Variants in EML6 observed in about 807,000 individuals in gnomAD.
EML6 encodes the protein EMAP like 6.
In EML6, 154 loss-of-function variants were observed where a neutral mutation model predicts 240.1. The ratio of observed to expected loss-of-function variants is 0.64; its 90% CI spans 0.56 to 0.73. EML6 has a LOEUF of 0.73. EML6 is among the 30% of genes least tolerant of loss of function. The pLI, the probability that EML6 is intolerant of heterozygous loss-of-function variation, is 0.00. For missense variants in EML6, 2,964 were observed against 2,474.6 expected (o/e 1.20, Z -4.20); for synonymous variants, 1,148 against 899.0 (o/e 1.28, Z -4.95).
chr2:54,899,294 A>G (rs1195237530), intron 21 of EML6, among the ~76,000 whole-genome samples: 1 of 152,236 alleles, frequency 6.6e-6, no homozygotes, highest in Non-Finnish European at 1.5e-5. Context: ...CATATATACT[A>G]TGTTTATTTA....
At chr2:54,860,328 G>T (rs1353309825) in intron 12 of EML6, among the ~76,000 whole-genome samples, 1 of 152,122 alleles carries the variant, frequency 6.6e-6, no homozygotes, top group African/African-American at 2.4e-5. Flanking sequence ...GCCTCGGTTT[G>T]ATACAAGTGC....
At chr2:54,922,412 G>T (rs1674305545) in intron 26 of EML6, among the ~76,000 whole-genome samples, 1 of 152,086 alleles carries the variant, frequency 6.6e-6, no homozygotes, top group African/African-American at 2.4e-5. Flanking sequence ...GGGTGTAAAG[G>T]AAGGGAACCC....
intron 14 of EML6, chr2:54,868,320 T>C (rs1671078228): frequency 6.6e-6 from 1 of 152,192 alleles, no homozygotes; most frequent in Non-Finnish European, 1.5e-5. Context: ...TTGTGACATA[T>C]AATTATTAAG....
At chr2:54,877,175 G>C (rs957935622) in intron 16 of EML6, among the ~76,000 whole-genome samples, 1 of 151,854 alleles carries the variant, frequency 6.6e-6, no homozygotes, top group Non-Finnish European at 1.5e-5. Context: ...GTAGAGAGTG[G>C]GTTTCCTCAT....
chr2:54,893,727 C>T (rs1389437634), intron 19 of EML6, among the ~76,000 whole-genome samples: 2 of 152,178 alleles, frequency 1.3e-5, no homozygotes, highest in African/African-American at 2.4e-5. Context: ...TACTCCTAAC[C>T]CATGTCTCAA....
At chr2:54,957,688 C>T in intron 32 of EML6, 102 bp from the exon 33 acceptor site, 1 of 990,786 alleles carries the variant, frequency 1.0e-6, no homozygotes, top group Admixed American at 2.0e-5. Flanking sequence ...AGAACTGAGG[C>T]ATGGCTTACG....
intron 28 of EML6, among the ~76,000 whole-genome samples, chr2:54,937,295 A>T (rs921257844): frequency 3.2e-4 from 48 of 150,018 alleles, no homozygotes; most frequent in South Asian, 6.3e-4. Flanking sequence ...AAAAAAGAAG[A>T]AGTCTTAGGC....
intron 2 of EML6, among the ~76,000 whole-genome samples, chr2:54,796,453 A>G (rs1234605190): frequency 1.3e-5 from 2 of 152,058 alleles, no homozygotes; most frequent in African/African-American, 2.4e-5. Flanking sequence ...TTTTTTTTGA[A>G]GTGTATTGAG....
chr2:54,808,408 C>T (rs1670609842), intron 2 of EML6, among the ~76,000 whole-genome samples: 1 of 152,174 alleles, frequency 6.6e-6, no homozygotes, highest in South Asian at 2.1e-4. Flanking sequence ...TCAGACAATG[C>T]AACCTAATTT....
At chr2:54,855,266 A>G (rs982432658) in intron 11 of EML6, among the ~76,000 whole-genome samples, 4 of 152,074 alleles carry the variant, frequency 2.6e-5, no homozygotes, top group East Asian at 1.9e-4. Context: ...ACTTACAATC[A>G]TGGCAGAAGG....
intron 28 of EML6, among the ~76,000 whole-genome samples, chr2:54,945,868 G>A (rs1675672734): frequency 6.6e-6 from 1 of 152,238 alleles, no homozygotes; most frequent in Admixed American, 6.5e-5. Context: ...TGGGCAGTGG[G>A]ATGACAGCAG....
At chr2:54,815,636 T>C (rs1045008746) in intron 3 of EML6, among the ~76,000 whole-genome samples, 2 of 152,202 alleles carry the variant, frequency 1.3e-5, no homozygotes, top group Admixed American at 6.5e-5. Context: ...TTTCCATTGC[T>C]GAAACCCTCA....
intron 24 of EML6, among the ~76,000 whole-genome samples, chr2:54,906,930 C>T (rs1001530517): frequency 1.3e-5 from 2 of 152,104 alleles, no homozygotes; most frequent in Non-Finnish European, 2.9e-5. Context: ...TTGATCCTGT[C>T]GAAAATAGTG....
At chr2:54,863,036 G>A (rs1670766350) in intron 12 of EML6, among the ~76,000 whole-genome samples, 1 of 152,178 alleles carries the variant, frequency 6.6e-6, no homozygotes, top group Non-Finnish European at 1.5e-5. Context: ...CAATTCAGTG[G>A]ACATGTATGT....
chr2:54,830,970 C>A (rs77405016), intron 7 of EML6, among the ~76,000 whole-genome samples: 1 of 152,064 alleles, frequency 6.6e-6, no homozygotes, highest in Non-Finnish European at 1.5e-5. Context: ...ACAAGGAGAT[C>A]GAAGGCCTTA....
At chr2:54,958,122 C>G in intron 33 of EML6, 124 bp downstream of exon 33, 1 of 795,512 alleles carries the variant, frequency 1.3e-6, no homozygotes, top group Non-Finnish European at 2.0e-6. Context: ...TCCACATTCG[C>G]TCCTGTACTG....
At chr2:54,891,582 A>G (rs188902412) in intron 18 of EML6, among the ~76,000 whole-genome samples, 1 of 152,320 alleles carries the variant, frequency 6.6e-6, no homozygotes, top group Non-Finnish European at 1.5e-5. Flanking sequence ...TCCAATAAAT[A>G]TTGGTGGATT....
Position 54,891,153 on chromosome 2 carries a change from A to G in EML6, c.2538A>G (p.Ala846=). The part of the protein sequence containing the change: ...GIKHIKFWQQ[A]GGGFTSKRGT... ...AACACATCAAATTCTGGCAACAAGCAGGTACTGTCGTTTGGGTTTATCATT... is the reference window on the plus strand; with the variant it reads ...AACACATCAAATTCTGGCAACAAGCGGGTACTGTCGTTTGGGTTTATCATT... Residue 846 remains alanine (A), a splice_region_variant and synonymous_variant, in exon 18 of 42, where the codon GCA becomes GCG. Transcript: ENST00000356458. 6.9e-7 allele frequency: 1 copy of G among 1,449,784 alleles called. No individual in the cohort carries two copies. The highest frequency in any genetic ancestry group is 9.4e-7 in the Non-Finnish European group (1 of 1,069,312). 89.8% of individuals were successfully genotyped at this position (1,449,784 alleles called of 1,614,324 possible). A position where few individuals can be genotyped will look rare whatever the true frequency, so the allele number is the denominator to read the frequency against.
At chr2:54,886,160 C>CTT (rs869107962) in intron 17 of EML6, among the ~76,000 whole-genome samples, 2,491 of 82,178 alleles carry the variant, frequency 0.03, 62 homozygotes, top group Non-Finnish European at 0.044. Context: ...TTTTAACCTT[C>CTT]TTTTTTTTTT....
Sources: allele counts gnomAD v4.1 joint callset (sites outside exome capture counted in the v4.1 genomes callset), GRCh38; gene constraint gnomAD v4.1.1; transcripts MANE v1.5; gene names NCBI Gene and HGNC (gene_info 2026-07-23, HGNC 2026-07-21).